Variants in RBPMS observed in about 807,000 individuals in gnomAD.
RBPMS encodes the protein RNA binding protein, mRNA processing factor.
Under a neutral mutation model 26.8 loss-of-function variants are expected in RBPMS, and 7 were observed. That is an observed-to-expected ratio of 0.26 (90% CI 0.15 to 0.49). The LOEUF is 0.49. Ranked by LOEUF, RBPMS falls within the 20% of genes least tolerant of loss-of-function variation. RBPMS has a pLI of 0.98. For missense variants in RBPMS, 186 were observed against 250.0 expected, an observed-to-expected ratio of 0.74 and a Z score of 1.73; for synonymous variants, 96 against 93.3, an observed-to-expected ratio of 1.03 and a Z score of -0.17.
chr8:30,506,964 G>A (rs939503287), intron 5 of RBPMS, among the ~76,000 whole-genome samples: 2 of 152,194 alleles, frequency 1.3e-5, no homozygotes, highest in Non-Finnish European at 2.9e-5. Flanking sequence ...TCGTTCCGGG[G>A]AGGTGATGGT....
In RBPMS at chr8:30,571,472, C is replaced by G. The variant is rs1828249410; in HGVS notation, c.*947C>G. The G allele has an allele frequency of 6.6e-6, 1 of 152,284 alleles. No individual in the cohort carries two copies. Among genetic ancestry groups the G allele is most frequent in the African/African-American group, 2.4e-5 (1 of 41,468 alleles). 9.4% of individuals were successfully genotyped at this position (152,284 alleles called of 1,614,324 possible). On this transcript the variant is annotated 3_prime_UTR_variant, in exon 9 of 9. Transcript: ENST00000397323. ...CCTCACTGGTAAGGGAAAACCTTGG[C>G]TTGGGAGGCCAGCCCTGGCCCTTGA...
rs560276730 is a variant in RBPMS, at chr8:30,473,821, C to G, written c.67-958C>G. ...GACATGGGTGGAACTATAAGTCATC[C>G]TCAGCAAACTAACACAGGAACAGAA... On this transcript the variant is annotated intron_variant, in intron 1 of 8. Transcript: ENST00000397323. Among the ~76,000 whole-genome samples, 321 of 152,200 alleles carry G rather than the reference C, an allele frequency of 2.1e-3. 2 individuals carry two copies. Among genetic ancestry groups the G allele is most frequent in the Non-Finnish European group, 3.4e-3 (232 of 68,000 alleles).
chr8:30,554,095 A>G (rs1211618277), intron 6 of RBPMS, among the ~76,000 whole-genome samples: 2 of 152,184 alleles, frequency 1.3e-5, no homozygotes, highest in African/African-American at 4.8e-5. Context: ...GTTATTAACT[A>G]TTTTGTTCAA....
chr8:30,549,593 T>A, intron 6 of RBPMS: 3 of 1,609,668 alleles, frequency 1.9e-6, no homozygotes, highest in Non-Finnish European at 2.6e-6. Flanking sequence ...TTGGTGAGGC[T>A]TTCTAGGAGC....
chr8:30,511,051 C>T (rs1413187691), intron 5 of RBPMS, among the ~76,000 whole-genome samples: 1 of 152,128 alleles, frequency 6.6e-6, no homozygotes, highest in African/African-American at 2.4e-5. Context: ...GTGGCTCACA[C>T]CTGTAATCCC....
chr8:30,413,993 CA>C (rs1809764336), intron 1 of RBPMS, among the ~76,000 whole-genome samples: 1 of 152,190 alleles, frequency 6.6e-6, no homozygotes. Context: ...CCGCCCACCT[CA>C]GCCTCCCAAA....
intron 6 of RBPMS, among the ~76,000 whole-genome samples, chr8:30,546,538 G>A (rs750340719): frequency 6.6e-6 from 1 of 152,206 alleles, no homozygotes; most frequent in Non-Finnish European, 1.5e-5. Context: ...AGATTAAATG[G>A]ACTCAGCCAT....
At chr8:30,556,147 A>G in intron 6 of RBPMS, 1 of 985,366 alleles carries the variant, frequency 1.0e-6, no homozygotes, top group Non-Finnish European at 1.2e-6. Flanking sequence ...CCTGAGACAC[A>G]AGAGCAATGA....
At chr8:30,502,541 G>A (rs761790871) in intron 4 of RBPMS, among the ~76,000 whole-genome samples, 2 of 152,144 alleles carry the variant, frequency 1.3e-5, no homozygotes, top group Admixed American at 6.5e-5. Flanking sequence ...GTTTAGTGCC[G>A]GGGAGGACGT....
chr8:30,532,816 T>G lies in RBPMS; in HGVS notation c.398-11678T>G, dbSNP rs117814418. On this transcript the variant is annotated intron_variant, in intron 5 of 8. Transcript: ENST00000397323. ...ACATCTTCCTAATAACCTGCCACTGTAAAATAAGGAGTTCCATTTCCAAAT... is the reference window on the plus strand; with the variant it reads ...ACATCTTCCTAATAACCTGCCACTGGAAAATAAGGAGTTCCATTTCCAAAT... Among the ~76,000 whole-genome samples the G allele has an allele frequency of 3.7e-3, 570 of 152,290 alleles. 2 individuals carry two copies. Among genetic ancestry groups the G allele is most frequent in the Non-Finnish European group, 4.7e-3 (322 of 68,018 alleles).
intron 5 of RBPMS, among the ~76,000 whole-genome samples, chr8:30,507,649 A>G (rs1471339743): frequency 6.6e-6 from 1 of 152,222 alleles, no homozygotes; most frequent in Non-Finnish European, 1.5e-5. Context: ...TAAAGTTGGA[A>G]AAGATCTGTG....
intron 5 of RBPMS, among the ~76,000 whole-genome samples, chr8:30,530,517 C>T (rs1039999650): frequency 3.3e-5 from 5 of 152,102 alleles, no homozygotes; most frequent in African/African-American, 1.2e-4. Context: ...GGCTGGAGTG[C>T]AGTGGTGCGA....
intron 6 of RBPMS, 42 bp from the exon 7 acceptor site, chr8:30,558,845 C>G: frequency 6.5e-7 from 1 of 1,547,874 alleles, no homozygotes; most frequent in Non-Finnish European, 8.9e-7. Context: ...TGGGGATATG[C>G]TGGGGAGCCC....
chr8:30,493,235 A>C (rs1819582247), intron 4 of RBPMS, among the ~76,000 whole-genome samples: 1 of 152,184 alleles, frequency 6.6e-6, no homozygotes, highest in Non-Finnish European at 1.5e-5. Flanking sequence ...AGAGTTGAAA[A>C]TTTAACTGAA....
chr8:30,557,129 G>A (rs887963982), intron 6 of RBPMS, among the ~76,000 whole-genome samples: 3 of 152,150 alleles, frequency 2.0e-5, no homozygotes, highest in Admixed American at 6.5e-5. Context: ...TCATCTGATC[G>A]CTGGTCATAT....
intron 1 of RBPMS, among the ~76,000 whole-genome samples, chr8:30,460,418 A>T (rs1252205717): frequency 6.6e-6 from 1 of 152,206 alleles, no homozygotes. Context: ...TTCTGTAGAA[A>T]CAGTTTTAGA....
chr8:30,426,301 A>C (rs371236881), intron 1 of RBPMS, among the ~76,000 whole-genome samples: 4 of 152,282 alleles, frequency 2.6e-5, no homozygotes, highest in African/African-American at 9.6e-5. Flanking sequence ...AATTAAAATG[A>C]GTTTCACTGA....
chr8:30,385,695 G>T (rs1222070081), intron 1 of RBPMS, among the ~76,000 whole-genome samples: 2 of 152,108 alleles, frequency 1.3e-5, no homozygotes, highest in Admixed American at 1.3e-4. Flanking sequence ...CTTCTCTGCT[G>T]AGTCAAAGAC....
At chr8:30,443,806 G>C (rs115989425) in intron 1 of RBPMS, among the ~76,000 whole-genome samples, 1,624 of 152,022 alleles carry the variant, frequency 0.011, 34 homozygotes, top group African/African-American at 0.036. Flanking sequence ...CGCGTTGGCC[G>C]GGATGGTCTC....
Sources: gnomAD v4.1 joint callset for allele counts (sites outside exome capture counted in the v4.1 genomes callset) on GRCh38, gnomAD v4.1.1 for gene constraint, MANE v1.5 for transcripts, NCBI Gene and HGNC (gene_info 2026-07-23, HGNC 2026-07-21) for gene names.